LRRC7: variants seen among roughly 807,000 people sequenced by gnomAD.
LRRC7 encodes the protein leucine-rich repeat-containing protein 7.
In LRRC7, 23 loss-of-function variants were observed where a neutral mutation model predicts 175.7. The observed-to-expected ratio is 0.13, with a 90% CI of 0.09 to 0.19. The LOEUF (loss-of-function observed/expected upper bound fraction) is 0.19. Ranked by LOEUF, LRRC7 falls within the 10% of genes least tolerant of loss-of-function variation. LRRC7 has a pLI of 1.00. For synonymous variants in LRRC7, 685 were observed against 680.9 expected (o/e 1.01, Z -0.09); for missense variants, 1,354 against 1,904.7 (o/e 0.71, Z 5.38).
At chr1:69,781,866 A>AAGGG in intron 3 of LRRC7, among the ~76,000 whole-genome samples, 1 of 141,778 alleles carries the variant, frequency 7.1e-6, no homozygotes. Flanking sequence ...AAAGAGAAGG[A>AAGGG]AGGAAGGAAG....
chr1:69,770,807 C>T (rs1484619363), intron 3 of LRRC7, among the ~76,000 whole-genome samples: 2 of 152,116 alleles, frequency 1.3e-5, no homozygotes, highest in Non-Finnish European at 2.9e-5. Flanking sequence ...CTATGGAGGG[C>T]TCTCCTTAGA....
intron 1 of LRRC7, among the ~76,000 whole-genome samples, chr1:69,654,913 T>G (rs974497379): frequency 3.3e-5 from 5 of 152,126 alleles, no homozygotes; most frequent in African/African-American, 9.7e-5. Flanking sequence ...ATTATCAAAA[T>G]TATCCATTCC....
intron 3 of LRRC7, among the ~76,000 whole-genome samples, chr1:69,788,426 T>A (rs1674740704): frequency 6.6e-6 from 1 of 152,230 alleles, no homozygotes; most frequent in Non-Finnish European, 1.5e-5. Context: ...AAACAGAAGT[T>A]GATTTCTTTT....
chr1:69,912,062 G>A (rs1323024450), intron 7 of LRRC7, among the ~76,000 whole-genome samples: 1 of 152,106 alleles, frequency 6.6e-6, no homozygotes, highest in Non-Finnish European at 1.5e-5. Context: ...GTGTAGGTTA[G>A]GTGCAACTAC....
chr1:69,577,069 A>G (rs183378055), intron 1 of LRRC7, among the ~76,000 whole-genome samples: 5 of 152,286 alleles, frequency 3.3e-5, no homozygotes, highest in Admixed American at 2.0e-4. Context: ...CTTCCTGCAG[A>G]CAAAAAGCAA....
At chr1:69,716,940 A>G (rs1665420569) in intron 2 of LRRC7, among the ~76,000 whole-genome samples, 1 of 151,840 alleles carries the variant, frequency 6.6e-6, no homozygotes, top group Admixed American at 6.6e-5. Flanking sequence ...GAAAATTGTA[A>G]TAAAATCAGA....
intron 2 of LRRC7, among the ~76,000 whole-genome samples, chr1:69,752,774 T>C (rs1392264941): frequency 3.9e-5 from 6 of 152,130 alleles, no homozygotes; most frequent in Non-Finnish European, 8.8e-5. Flanking sequence ...ACAATATCAT[T>C]CAAGAGAGAA....
intron 25 of LRRC7, among the ~76,000 whole-genome samples, chr1:70,098,914 C>T (rs1416716405): frequency 6.6e-6 from 1 of 152,124 alleles, no homozygotes; most frequent in Non-Finnish European, 1.5e-5. Flanking sequence ...TGGTACCATT[C>T]CTTCTGAAAC....
rs146684082 is a variant in LRRC7, at chr1:69,602,803, C to A, written c.2+34162C>A. ...GGTTAGCAACTTATGGCATACACAG[C>A]AGTGATCCCATAAGATTATAATACC... On this transcript the variant is annotated intron_variant, in intron 1 of 26. Transcript: ENST00000651989. Among the ~76,000 whole-genome samples, 3 of 152,274 alleles carry A rather than the reference C, an allele frequency of 2.0e-5. No homozygotes were observed. The East Asian group carries it at 5.8e-4, about 29-fold the overall frequency.
At chr1:69,593,829 A>G (rs1646732243) in intron 1 of LRRC7, among the ~76,000 whole-genome samples, 1 of 152,146 alleles carries the variant, frequency 6.6e-6, no homozygotes, top group Non-Finnish European at 1.5e-5. Context: ...GTCTGAATCT[A>G]TGTTCTGTTA....
chr1:69,741,462 G>T (rs891331391), intron 2 of LRRC7, among the ~76,000 whole-genome samples: 1 of 151,848 alleles, frequency 6.6e-6, no homozygotes, highest in Non-Finnish European at 1.5e-5. Flanking sequence ...GAAAAGAAAA[G>T]AAAAGAATCA....
chr1:69,977,429 A>G (rs148634263), intron 8 of LRRC7, among the ~76,000 whole-genome samples: 7 of 152,354 alleles, frequency 4.6e-5, no homozygotes, highest in Non-Finnish European at 1.0e-4. Context: ...CACTATGACT[A>G]GTATAATGCC....
intron 1 of LRRC7, among the ~76,000 whole-genome samples, chr1:69,586,616 C>G (rs1027559473): frequency 6.7e-6 from 1 of 150,140 alleles, no homozygotes; most frequent in Non-Finnish European, 1.5e-5. Flanking sequence ...TAAAATTATT[C>G]CAATAACTCT....
At chr1:69,674,699 A>C (rs899293608) in intron 1 of LRRC7, among the ~76,000 whole-genome samples, 1 of 152,136 alleles carries the variant, frequency 6.6e-6, no homozygotes, top group African/African-American at 2.4e-5. Flanking sequence ...AATGAAGTAT[A>C]TTTAATTAAG....
At position 70,128,616 on chromosome 1, in the gene LRRC7, T is replaced by G. The variant is rs898258961; in HGVS notation, c.*6729T>G. On this transcript the variant is annotated 3_prime_UTR_variant, in exon 27 of 27. Transcript: ENST00000651989. ...CTGAAAACATTTGGAGACATTTCAT[T>G]GAAGAATATAACAAAAACATTAAAT... 4 of 152,160 alleles carry G rather than the reference T, an allele frequency of 2.6e-5. No individual in the cohort carries two copies. Among genetic ancestry groups the G allele is most frequent in the African/African-American group, 9.7e-5 (4 of 41,426 alleles). The allele number at this position is 152,160 out of a possible 1,614,324, so 9.4% of individuals were successfully genotyped here.
chr1:70,105,788 A>G (rs587562), intron 25 of LRRC7, among the ~76,000 whole-genome samples: 93,706 of 151,878 alleles, frequency 0.62, 29,068 homozygotes, highest in Middle Eastern at 0.66. Flanking sequence ...TAAGTCCTAG[A>G]AGTCTAATTA....
At chr1:69,626,331 A>AC (rs1388350331) in intron 1 of LRRC7, among the ~76,000 whole-genome samples, 1 of 148,712 alleles carries the variant, frequency 6.7e-6, no homozygotes, top group Non-Finnish European at 1.5e-5. Flanking sequence ...CTGGATCTTG[A>AC]CCCCATATTT....
At chr1:69,636,376 T>C (rs1653358762) in intron 1 of LRRC7, among the ~76,000 whole-genome samples, 1 of 151,784 alleles carries the variant, frequency 6.6e-6, no homozygotes, top group East Asian at 1.9e-4. Context: ...ATTCAAAAAA[T>C]GAGTTCTACT....
At chr1:70,058,904 A>T (rs1394311394) in intron 23 of LRRC7, among the ~76,000 whole-genome samples, 1 of 152,218 alleles carries the variant, frequency 6.6e-6, no homozygotes, top group Non-Finnish European at 1.5e-5. Context: ...CTAAAATGAT[A>T]CTCTTTTAAA....
Sources: allele counts gnomAD v4.1 joint callset (sites outside exome capture counted in the v4.1 genomes callset), GRCh38; gene constraint gnomAD v4.1.1; transcripts MANE v1.5; gene names NCBI Gene and HGNC (gene_info 2026-07-23, HGNC 2026-07-21).